Variants in RAB3GAP1 observed in about 807,000 individuals in gnomAD.
The protein encoded by RAB3GAP1 is rab3 GTPase-activating protein catalytic subunit.
In RAB3GAP1, 86 loss-of-function variants were observed where a neutral mutation model predicts 130.7. The observed-to-expected ratio is 0.66, with a 90% CI of 0.55 to 0.79. RAB3GAP1 has a LOEUF of 0.79. Among genes scored for constraint, RAB3GAP1 ranks in the 30% least tolerant of loss-of-function variants. The pLI is 0.00. For missense variants in RAB3GAP1, 1,029 were observed against 1,169.4 expected (o/e 0.88, Z 1.75); for synonymous variants, 367 against 401.7 (o/e 0.91, Z 1.03).
At chr2:135,083,217 A>G (rs1689878138) in intron 3 of RAB3GAP1, among the ~76,000 whole-genome samples, 1 of 152,028 alleles carries the variant, frequency 6.6e-6, no homozygotes, top group Non-Finnish European at 1.5e-5. Flanking sequence ...ATCTTTGACT[A>G]TTGATGGGAA....
Position 135,169,129 on chromosome 2 carries a change from C to G in RAB3GAP1, c.*348C>G, listed in dbSNP as rs189516775. ...CTGTGACCAGCCTCTAGGCTAGCGG[C>G]TGCATTCGTGGTCTGTGCAAACACT... On this transcript the variant is annotated 3_prime_UTR_variant, in exon 24 of 24. Transcript: ENST00000264158. 1 of 387,498 alleles carries G rather than the reference C, an allele frequency of 2.6e-6. No individual in the cohort carries two copies. The highest frequency in any genetic ancestry group is 2.1e-5 in the African/African-American group (1 of 48,308). The allele number at this position is 387,498 out of a possible 1,614,324, so 24.0% of individuals were successfully genotyped here. A position where few individuals can be genotyped will look rare whatever the true frequency, so the allele number is the denominator to read the frequency against.
intron 11 of RAB3GAP1, among the ~76,000 whole-genome samples, chr2:135,129,023 C>T (rs1047467499): frequency 6.6e-6 from 1 of 152,096 alleles, no homozygotes; most frequent in African/African-American, 2.4e-5. Flanking sequence ...TGGTGATGCA[C>T]ACATGTAGTC....
chr2:135,132,832 A>G (rs549377466), intron 13 of RAB3GAP1, 63 bp from the exon 14 acceptor site: 16 of 989,366 alleles, frequency 1.6e-5, no homozygotes, highest in East Asian at 4.8e-5. Flanking sequence ...TATATGAGTT[A>G]TAAAAATCAA....
intron 14 of RAB3GAP1, among the ~76,000 whole-genome samples, chr2:135,133,281 T>C (rs1386701139): frequency 6.6e-6 from 1 of 152,172 alleles, no homozygotes; most frequent in Non-Finnish European, 1.5e-5. Flanking sequence ...AGCAGATTCT[T>C]TTTGATATTT....
intron 17 of RAB3GAP1, among the ~76,000 whole-genome samples, chr2:135,144,441 A>AG (rs907217101): frequency 6.6e-6 from 1 of 152,184 alleles, no homozygotes; most frequent in African/African-American, 2.4e-5. Context: ...CACCACTCAA[A>AG]GGGGGGCATG....
intron 17 of RAB3GAP1, among the ~76,000 whole-genome samples, chr2:135,144,648 T>C (rs1220628952): frequency 1.3e-5 from 2 of 152,256 alleles, no homozygotes; most frequent in African/African-American, 4.8e-5. Context: ...ACCTGCCTCT[T>C]ACCTGCCTAG....
At chr2:135,093,758 C>CA in intron 5 of RAB3GAP1, 65 bp downstream of exon 5, 1 of 1,195,884 alleles carries the variant, frequency 8.4e-7, no homozygotes, top group Non-Finnish European at 1.3e-6. Context: ...ACACTGTCCC[C>CA]AAGTTCAGTG....
rs1208796709 is a variant in RAB3GAP1, at chr2:135,169,308, C to T, written c.*527C>T. The T allele has an allele frequency of 9.8e-6, 2 of 203,402 alleles. No individual in the cohort carries two copies. The highest frequency in any genetic ancestry group is 1.1e-4 in the Admixed American group (2 of 18,864). The allele number at this position is 203,402 out of a possible 1,614,324, so 12.6% of individuals were successfully genotyped here. On this transcript the variant is annotated 3_prime_UTR_variant, in exon 24 of 24. Transcript: ENST00000264158. ...ATTCAATCACCTGGTGGTCATCTTT[C>T]TTGTACTAATTAACTGTTGATGAGC...
chr2:135,161,304 T>A (rs1187976882), intron 19 of RAB3GAP1, among the ~76,000 whole-genome samples: 1 of 152,154 alleles, frequency 6.6e-6, no homozygotes, highest in Non-Finnish European at 1.5e-5. Context: ...TATCCACTAC[T>A]ATTAGTGTAG....
chr2:135,146,931 A>G (rs1196498085), intron 17 of RAB3GAP1, among the ~76,000 whole-genome samples: 3 of 152,030 alleles, frequency 2.0e-5, no homozygotes, highest in African/African-American at 7.3e-5. Flanking sequence ...TGATGAATAC[A>G]TTCAGTATGT....
intron 3 of RAB3GAP1, among the ~76,000 whole-genome samples, chr2:135,072,439 G>T (rs1689501944): frequency 6.6e-6 from 1 of 152,172 alleles, no homozygotes; most frequent in Admixed American, 6.5e-5. Flanking sequence ...CTTTTGCAGT[G>T]TGACTTTTTG....
At chr2:135,154,530 C>G (rs1692257757) in intron 19 of RAB3GAP1, among the ~76,000 whole-genome samples, 1 of 152,054 alleles carries the variant, frequency 6.6e-6, no homozygotes, top group African/African-American at 2.4e-5. Context: ...GAGAAATAAG[C>G]CAAATTCCAG....
At chr2:135,088,583 G>A (rs565155904) in intron 3 of RAB3GAP1, among the ~76,000 whole-genome samples, 1 of 151,278 alleles carries the variant, frequency 6.6e-6, no homozygotes, top group South Asian at 2.1e-4. Context: ...CAGCAACATG[G>A]GAGACTGATG....
chr2:135,156,494 T>C (rs1301245348), intron 19 of RAB3GAP1, among the ~76,000 whole-genome samples: 1 of 152,190 alleles, frequency 6.6e-6, no homozygotes, highest in Non-Finnish European at 1.5e-5. Flanking sequence ...AATATGAGGA[T>C]GATTATTTAG....
intron 22 of RAB3GAP1, among the ~76,000 whole-genome samples, chr2:135,164,171 G>A (rs903601000): frequency 6.6e-6 from 1 of 152,100 alleles, no homozygotes; most frequent in Non-Finnish European, 1.5e-5. Flanking sequence ...ATGTGCACGT[G>A]TGCGTGCACA....
chr2:135,060,604 TC>T (rs1193674608), intron 3 of RAB3GAP1, among the ~76,000 whole-genome samples: 25 of 152,048 alleles, frequency 1.6e-4, no homozygotes, highest in Admixed American at 2.0e-4. Context: ...TAACTTACAC[TC>T]CTGTCAAGAT....
intron 6 of RAB3GAP1, among the ~76,000 whole-genome samples, chr2:135,113,564 T>C (rs564010787): frequency 6.6e-6 from 1 of 152,290 alleles, no homozygotes; most frequent in East Asian, 1.9e-4. Context: ...ACAGGGCAAC[T>C]GATCAGAGCA....
intron 3 of RAB3GAP1, among the ~76,000 whole-genome samples, chr2:135,071,943 C>T (rs1015742993): frequency 6.6e-6 from 1 of 152,120 alleles, no homozygotes; most frequent in Non-Finnish European, 1.5e-5. Context: ...AAATGAGTCT[C>T]GCTTTGTCGC....
intron 7 of RAB3GAP1, 68 bp downstream of exon 7, chr2:135,115,449 T>C: frequency 6.8e-7 from 1 of 1,473,414 alleles, no homozygotes; most frequent in Non-Finnish European, 9.4e-7. Context: ...GATCATTTTA[T>C]TCAGCATATA....
Sources: gnomAD v4.1 joint callset for allele counts (sites outside exome capture counted in the v4.1 genomes callset) on GRCh38, gnomAD v4.1.1 for gene constraint, MANE v1.5 for transcripts, NCBI Gene and HGNC (gene_info 2026-07-23, HGNC 2026-07-21) for gene names.